AGPS: variants seen among roughly 807,000 people sequenced by gnomAD.
AGPS encodes the protein alkylglycerone phosphate synthase.
A neutral mutation model predicts 90.7 loss-of-function variants in AGPS; 26 were observed. The ratio of observed to expected loss-of-function variants is 0.29; its 90% CI spans 0.21 to 0.40. The LOEUF (loss-of-function observed/expected upper bound fraction) is 0.40, where lower values mean the gene tolerates loss of function less well. Ranked by LOEUF, AGPS falls within the 10% of genes least tolerant of loss-of-function variation. The pLI is 1.00. For missense variants in AGPS, 540 were observed against 816.1 expected, an observed-to-expected ratio of 0.66 and a Z score of 4.12; for synonymous variants, 294 against 285.3, an observed-to-expected ratio of 1.03 and a Z score of -0.31.
At chr2:177,474,140 G>A (rs1487901131) in intron 10 of AGPS, among the ~76,000 whole-genome samples, 1 of 152,168 alleles carries the variant, frequency 6.6e-6, no homozygotes, top group African/African-American at 2.4e-5. Context: ...ATTTGGATAT[G>A]TAGAAACATG....
chr2:177,535,811 CAGA>C lies in AGPS; in HGVS notation c.1856-2257_1856-2255del, dbSNP rs146527459. On this transcript the variant is annotated intron_variant, in intron 19 of 19. Transcript: ENST00000264167. Reference sequence around the variant, plus strand: ...CCATTTCAAATTCTGTTATCAGTGGCAGAAGAAGTGCCAGACCTCTGCCACGAA... The same window carrying C: ...CCATTTCAAATTCTGTTATCAGTGGCAGAAGTGCCAGACCTCTGCCACGAA... Among the ~76,000 whole-genome samples, 86 of 152,174 alleles carry C rather than the reference CAGA, an allele frequency of 5.7e-4. 2 individuals are homozygous for C. Among genetic ancestry groups the C allele is most frequent in the African/African-American group, 2.0e-3 (84 of 41,518 alleles).
At chr2:177,420,426 C>T in intron 2 of AGPS, 68 bp downstream of exon 2, 2 of 1,169,540 alleles carry the variant, frequency 1.7e-6, no homozygotes, top group Non-Finnish European at 2.6e-6. Flanking sequence ...ATTTTAAACA[C>T]ACATGAAAAT....
At chr2:177,412,122 A>C (rs1332053904) in intron 1 of AGPS, among the ~76,000 whole-genome samples, 1 of 152,148 alleles carries the variant, frequency 6.6e-6, no homozygotes, top group Non-Finnish European at 1.5e-5. Flanking sequence ...TGGAGATACA[A>C]CTTGCTCCAA....
intron 16 of AGPS, among the ~76,000 whole-genome samples, chr2:177,512,420 T>G (rs982424186): frequency 2.0e-5 from 3 of 152,162 alleles, no homozygotes; most frequent in Non-Finnish European, 4.4e-5. Context: ...TTCATAAAGA[T>G]AAAAAATGTG....
rs760539653 is a variant in AGPS, at chr2:177,521,345, C to T, written c.1774C>T (p.Leu592=). Residue 592 remains leucine, a synonymous_variant, in exon 18 of 20, where the codon CTG becomes TTG. Transcript: ENST00000264167. ...AFNYRGISDP[L]TVFEQTEAAA... Reference sequence around the variant, plus strand: ...TAACTACAGGGGAATTAGTGACCCACTGACCGTATTTGAACAAACTGAGGT... The same window carrying T: ...TAACTACAGGGGAATTAGTGACCCATTGACCGTATTTGAACAAACTGAGGT... The T allele has an allele frequency of 6.2e-7, 1 of 1,613,934 alleles. No homozygotes were observed. Among genetic ancestry groups the T allele is most frequent in the Non-Finnish European group, 8.5e-7 (1 of 1,179,820 alleles).
chr2:177,512,395 C>T (rs185512111), intron 16 of AGPS, among the ~76,000 whole-genome samples: 1 of 152,060 alleles, frequency 6.6e-6, no homozygotes, highest in East Asian at 1.9e-4. Context: ...TTTTATAAAA[C>T]TTTCAGATAC....
intron 14 of AGPS, among the ~76,000 whole-genome samples, chr2:177,504,185 C>T (rs1662737551): frequency 6.6e-6 from 1 of 152,146 alleles, no homozygotes; most frequent in South Asian, 2.1e-4. Context: ...GTTTCCTAGA[C>T]CTGTGGTGCT....
At chr2:177,434,769 A>G (rs1686346491) in intron 3 of AGPS, among the ~76,000 whole-genome samples, 1 of 152,034 alleles carries the variant, frequency 6.6e-6, no homozygotes, top group Non-Finnish European at 1.5e-5. Flanking sequence ...TTACAGAAAT[A>G]TAAGTTGCTA....
At chr2:177,470,531 C>A (rs1387404802) in intron 10 of AGPS, among the ~76,000 whole-genome samples, 1 of 151,574 alleles carries the variant, frequency 6.6e-6, no homozygotes, top group African/African-American at 2.4e-5. Context: ...TGTTGAAACC[C>A]CATCTCTACT....
rs1559077311 is a variant in AGPS, at chr2:177,508,018, G to A, written c.1594G>A (p.Ala532Thr). The A allele has an allele frequency of 1.2e-6, 2 of 1,612,228 alleles. No individual in the cohort carries two copies. The highest frequency in any genetic ancestry group is 3.3e-5 in the Admixed American group (2 of 60,018). ...YVLGESFETS[A>T]PWDRVVDLCR... ...ATTAGGAGAATCTTTTGAGACTTCTGCTCCTTGGGACAGGTAAAATATACT... is the reference window on the plus strand; with the variant it reads ...ATTAGGAGAATCTTTTGAGACTTCTACTCCTTGGGACAGGTAAAATATACT... Residue 532 changes from alanine (A) to threonine (T), a missense_variant, in exon 16 of 20, where the codon GCT (alanine) becomes ACT (threonine). Physicochemically the swap from Ala to Thr is moderately conservative, Grantham distance 58. Coordinates refer to ENST00000264167, the MANE Select transcript of AGPS (RefSeq NM_003659.4).
At position 177,539,154 on chromosome 2, in the gene AGPS, C is replaced by T. The variant is rs907156006; in HGVS notation, c.*959C>T. ...CAACTACTGAATTTGAAAGCCTCAG[C>T]AGTTTCAATGACAAAAATCATTTTT... is the stretch of plus-strand genomic sequence containing the variant. On this transcript the variant is annotated 3_prime_UTR_variant, in exon 20 of 20. Transcript: ENST00000264167. 3 of 152,006 alleles carry T rather than the reference C, an allele frequency of 2.0e-5. No individual in the cohort carries two copies. The highest frequency in any genetic ancestry group is 7.2e-5 in the African/African-American group (3 of 41,408). 9.4% of individuals were successfully genotyped at this position (152,006 alleles called of 1,614,324 possible).
intron 16 of AGPS, among the ~76,000 whole-genome samples, chr2:177,508,397 C>T (rs190230578): frequency 1.3e-3 from 197 of 152,148 alleles, no homozygotes; most frequent in African/African-American, 4.2e-3. Context: ...AAGTATAAAA[C>T]CAGTTAACTG....
chr2:177,522,553 G>A (rs1365277833), intron 18 of AGPS, among the ~76,000 whole-genome samples: 3 of 152,130 alleles, frequency 2.0e-5, no homozygotes, highest in African/African-American at 7.2e-5. Flanking sequence ...GGGTTCAAGC[G>A]ATTCTCCTGT....
chr2:177,445,202 A>T (rs1686730718), intron 7 of AGPS, among the ~76,000 whole-genome samples: 1 of 152,220 alleles, frequency 6.6e-6, no homozygotes. Flanking sequence ...TGTAGCCAAC[A>T]CTTTATGTAT....
chr2:177,403,649 C>T (rs1685389404), intron 1 of AGPS, among the ~76,000 whole-genome samples: 1 of 152,200 alleles, frequency 6.6e-6, no homozygotes, highest in South Asian at 2.1e-4. Flanking sequence ...TGAAGACTAA[C>T]ATTAAGAGAT....
intron 15 of AGPS, among the ~76,000 whole-genome samples, chr2:177,506,694 T>A (rs1027589273): frequency 6.6e-6 from 1 of 151,994 alleles, no homozygotes; most frequent in African/African-American, 2.4e-5. Flanking sequence ...AGTAAAAGTA[T>A]ATTTATTGCC....
chr2:177,464,049 C>G (rs1481413872), intron 9 of AGPS, among the ~76,000 whole-genome samples: 1 of 152,194 alleles, frequency 6.6e-6, no homozygotes. Flanking sequence ...TCAAGCGATT[C>G]TCCTGCCTCA....
At position 177,528,464 on chromosome 2, in the gene AGPS, T is replaced by C. The variant is rs145257519; in HGVS notation, c.1855+4659T>C. On this transcript the variant is annotated intron_variant, in intron 19 of 19. Coordinates refer to ENST00000264167, the MANE Select transcript of AGPS (RefSeq NM_003659.4). Reference sequence around the variant, plus strand: ...ATTCCTCAGACATACTAATCCCTTTTCCCATTCAAGGCCTTTGCTGTTTGT... The same window carrying C: ...ATTCCTCAGACATACTAATCCCTTTCCCCATTCAAGGCCTTTGCTGTTTGT... Among the ~76,000 whole-genome samples the C allele has an allele frequency of 2.6e-3, 398 of 152,308 alleles. 1 individual carries two copies. The highest frequency in any genetic ancestry group is 5.1e-3 in the African/African-American group (212 of 41,564).
At chr2:177,490,569 T>C (rs1688223261) in intron 11 of AGPS, among the ~76,000 whole-genome samples, 1 of 152,192 alleles carries the variant, frequency 6.6e-6, no homozygotes, top group African/African-American at 2.4e-5. Context: ...CTAATAGGAA[T>C]ACTGGATAGC....
Sources: gnomAD v4.1 joint callset for allele counts (sites outside exome capture counted in the v4.1 genomes callset) on GRCh38, gnomAD v4.1.1 for gene constraint, MANE v1.5 for transcripts, NCBI Gene and HGNC (gene_info 2026-07-23, HGNC 2026-07-21) for gene names.